Variants in ZNF208 observed in about 807,000 individuals in gnomAD.
ZNF208 encodes zinc finger protein 95.
A neutral mutation model predicts 12.1 loss-of-function variants in ZNF208; 10 were observed. The observed-to-expected ratio is 0.83, with a 90% CI of 0.51 to 1.40. The LOEUF (loss-of-function observed/expected upper bound fraction) is 1.40. Among genes scored for constraint, ZNF208 ranks in the 40% most tolerant of loss-of-function variants. The pLI is 0.00. For missense variants in ZNF208, 1,652 were observed against 1,485.0 expected, an observed-to-expected ratio of 1.11 and a Z score of -1.85; for synonymous variants, 497 against 488.4, an observed-to-expected ratio of 1.02 and a Z score of -0.23.
chr19:21,945,629 A>T (rs1163535685), intron 4 of ZNF208, among the ~76,000 whole-genome samples: 1 of 152,220 alleles, frequency 6.6e-6, no homozygotes, highest in Non-Finnish European at 1.5e-5. Flanking sequence ...TGATGGTCAA[A>T]TACATATATC....
rs949243337 is a variant in ZNF208 at position 22,010,881 on chromosome 19, G to A, written c.-87C>T. ...AGGGCCACAGAGGCTGGGACTCTAG[G>A]AGCAGAGGACACACAGCAGTAAGGA... On this transcript the variant is annotated 5_prime_UTR_variant, in exon 1 of 4. Transcript: ENST00000397126. The A allele has an allele frequency of 5.0e-6, 8 of 1,589,628 alleles. No individual in the cohort carries two copies. In the African/African-American group the frequency reaches 8.1e-5, roughly 16 times the overall value.
At chr19:22,001,328 C>G (rs1016586030) in intron 1 of ZNF208, among the ~76,000 whole-genome samples, 1 of 151,982 alleles carries the variant, frequency 6.6e-6, no homozygotes, top group East Asian at 1.9e-4. Context: ...GCCCTAAATA[C>G]ATAGATAAGC....
Position 21,967,676 on chromosome 19 carries a change from A to G in ZNF208, c.*3515T>C, listed in dbSNP as rs965422331. 2 of 152,124 alleles carry G rather than the reference A, an allele frequency of 1.3e-5. No homozygotes were observed. The highest frequency in any genetic ancestry group is 4.8e-5 in the African/African-American group (2 of 41,440). The allele number at this position is 152,124 out of a possible 1,614,324, so 9.4% of individuals were successfully genotyped here. ...GCTGAGATGACAGGCATGAGCCACC[A>G]TGCTTGGCCCAGATTTATTCTTTTA... is the stretch of plus-strand genomic sequence containing the variant. On this transcript the variant is annotated 3_prime_UTR_variant, in exon 4 of 4. Transcript: ENST00000397126.
At chr19:22,008,003 T>TAAAAAAAAA (rs139821713) in intron 1 of ZNF208, among the ~76,000 whole-genome samples, 78 of 99,142 alleles carry the variant, frequency 7.9e-4, no homozygotes, top group African/African-American at 3.2e-3. Context: ...AGCACTGTCT[T>TAAAAAAAAA]AAAAAAAAAA....
At chr19:21,977,502 T>G (rs8108535) in intron 3 of ZNF208, among the ~76,000 whole-genome samples, 88,782 of 151,914 alleles carry the variant, frequency 0.58, 26,203 homozygotes, top group East Asian at 0.69. Context: ...CTAGCCAAGG[T>G]AAGGGTTTAG....
chr19:21,992,291 G>A (rs1282720979), intron 1 of ZNF208, among the ~76,000 whole-genome samples: 2 of 152,178 alleles, frequency 1.3e-5, no homozygotes, highest in African/African-American at 2.4e-5. Context: ...CCAGAAGGAC[G>A]CAGCATTACT....
At chr19:21,947,021 G>A (rs1969824695) in intron 4 of ZNF208, among the ~76,000 whole-genome samples, 2 of 147,822 alleles carry the variant, frequency 1.4e-5, no homozygotes, top group Non-Finnish European at 3.0e-5. Context: ...TTCTTTGTAT[G>A]CAATGTTGTG....
At chr19:22,000,778 AT>A (rs1375338087) in intron 1 of ZNF208, among the ~76,000 whole-genome samples, 3 of 152,244 alleles carry the variant, frequency 2.0e-5, no homozygotes, top group Admixed American at 6.5e-5. Flanking sequence ...TATAAAATCT[AT>A]TTTTTTAAAA....
intron 4 of ZNF208, among the ~76,000 whole-genome samples, chr19:21,960,584 C>A (rs1403877512): frequency 6.6e-6 from 1 of 152,258 alleles, no homozygotes; most frequent in South Asian, 2.1e-4. Flanking sequence ...TGCAGGGACT[C>A]TGATGTGTGC....
rs1970297656 is a variant in ZNF208 at position 21,971,989 on chromosome 19, G to T, written c.3045C>A (p.Asn1015Lys). ...TGTGAATTTTCTTATGTTCCATAAG[G>T]TTTGATGACCAGTTGAAAGCTTTGC... ...ECGKAFNWSS[N>K]LMEHKKIHTG... is the part of the protein sequence containing the mutation. Residue 1015 changes from asparagine (N) to lysine (K), a missense_variant, in exon 4 of 4, where the codon AAC (asparagine) becomes AAA (lysine). Around this residue, in one of 3 missense-constraint regions of ZNF208, gnomAD observed 1,239 missense variants for 1,086.2 expected, o/e 1.14. Coordinates refer to ENST00000397126, the MANE Select transcript of ZNF208 (RefSeq NM_007153.3). The T allele has an allele frequency of 6.2e-7, 1 of 1,612,886 alleles. No homozygotes were observed. Among genetic ancestry groups the T allele is most frequent in the East Asian group, 2.2e-5 (1 of 44,650 alleles).
intron 4 of ZNF208, among the ~76,000 whole-genome samples, chr19:21,955,821 C>G (rs138811609): frequency 2.0e-5 from 3 of 152,172 alleles, no homozygotes; most frequent in Non-Finnish European, 2.9e-5. Flanking sequence ...TCGTCTGAAG[C>G]CTTCTTCTCT....
chr19:21,960,385 G>T (rs957599943), intron 4 of ZNF208, among the ~76,000 whole-genome samples: 2 of 151,876 alleles, frequency 1.3e-5, no homozygotes, highest in Non-Finnish European at 2.9e-5. Context: ...TAAAAAAAGA[G>T]ATACATAAGT....
In ZNF208 at chr19:21,973,646, C is replaced by T. The variant is rs747507292; in HGVS notation, c.1388G>A (p.Ser463Asn). ...ATGTTTAGTAAGGATTGAGAACATA[C>T]TAAAGCCTTTGCCACATTCTTCACA... ...YKCEECGKGF[S>N]MFSILTKHKV... Residue 463 changes from serine to asparagine, a missense_variant, in exon 4 of 4, where the codon AGT (serine) becomes AAT (asparagine). By Grantham distance (46) the Ser-to-Asn change is conservative. Transcript: ENST00000397126. 1.9e-6 allele frequency: 3 copies of T among 1,574,314 alleles called. No individual in the cohort carries two copies. The highest frequency in any genetic ancestry group is 1.1e-5 in the South Asian group (1 of 90,502).
At chr19:22,005,237 A>G (rs889679649) in intron 1 of ZNF208, among the ~76,000 whole-genome samples, 1 of 152,170 alleles carries the variant, frequency 6.6e-6, no homozygotes, top group Non-Finnish European at 1.5e-5. Context: ...GGACACATCA[A>G]TGTCAAGTGG....
At chr19:22,004,244 T>C (rs1043844958) in intron 1 of ZNF208, among the ~76,000 whole-genome samples, 1 of 151,904 alleles carries the variant, frequency 6.6e-6, no homozygotes, top group Non-Finnish European at 1.5e-5. Flanking sequence ...GGGCTGGGTA[T>C]GGTGGCTCAC....
chr19:21,991,236 G>A (rs1200045013), intron 1 of ZNF208, among the ~76,000 whole-genome samples: 1 of 152,164 alleles, frequency 6.6e-6, no homozygotes, highest in Non-Finnish European at 1.5e-5. Context: ...GATATTGGCT[G>A]TGAGTTTGTC....
chr19:21,970,521 T>C lies in ZNF208; in HGVS notation c.*670A>G, dbSNP rs192743421. ...AGTTTTGCCACATTTTTCATATTTG[T>C]AGGGTTTTTCCTCCAGTATGAATTC... is the stretch of plus-strand genomic sequence containing the variant. On this transcript the variant is annotated 3_prime_UTR_variant, in exon 4 of 4. Transcript: ENST00000397126. Among the ~76,000 whole-genome samples, 16 of 152,286 alleles carry C rather than the reference T, an allele frequency of 1.1e-4. No individual in the cohort carries two copies. Among genetic ancestry groups the C allele is most frequent in the Admixed American group, 9.2e-4 (14 of 15,286 alleles).
intron 1 of ZNF208, among the ~76,000 whole-genome samples, chr19:22,000,443 C>G (rs778163981): frequency 1.4e-4 from 21 of 152,028 alleles, no homozygotes; most frequent in Non-Finnish European, 2.9e-4. Flanking sequence ...ATTAAATGGC[C>G]TACACTTGAA....
chr19:21,975,823 CAAAAAAAA>C (rs532995268), intron 3 of ZNF208, among the ~76,000 whole-genome samples: 923 of 26,420 alleles, frequency 0.035, 14 homozygotes, highest in African/African-American at 0.11. Flanking sequence ...AGTCAAAGTC[CAAAAAAAA>C]AAAAAAAAAA....
Sources: gnomAD v4.1 joint callset for allele counts (sites outside exome capture counted in the v4.1 genomes callset) on GRCh38, gnomAD v4.1.1 for gene constraint, gnomAD v4.1.1 regional missense constraint, MANE v1.5 for transcripts, NCBI Gene and HGNC (gene_info 2026-07-23, HGNC 2026-07-21) for gene names.